NRXN3: variants seen among roughly 807,000 people sequenced by gnomAD.
The protein encoded by NRXN3 is neurexin III.
In NRXN3, 32 loss-of-function variants were observed where a neutral mutation model predicts 137.6. The ratio of observed to expected loss-of-function variants is 0.23; its 90% CI spans 0.18 to 0.31. NRXN3 has a LOEUF of 0.31. Ranked by LOEUF, NRXN3 falls within the 10% of genes least tolerant of loss-of-function variation. The pLI is 1.00. For missense variants in NRXN3, 1,574 were observed against 2,062.5 expected (o/e 0.76, Z 4.59); for synonymous variants, 798 against 784.5 (o/e 1.02, Z -0.29).
At chr14:79,213,624 T>C (rs931359695) in intron 15 of NRXN3, among the ~76,000 whole-genome samples, 1 of 148,238 alleles carries the variant, frequency 6.7e-6, no homozygotes, top group Non-Finnish European at 1.5e-5. Context: ...CCCTTTTTTT[T>C]TGGGGGGGGG....
chr14:78,845,369 A>G (rs1596435680), intron 10 of NRXN3, among the ~76,000 whole-genome samples: 1 of 152,240 alleles, frequency 6.6e-6, no homozygotes, highest in East Asian at 1.9e-4. Context: ...ATGAATAACA[A>G]CGTAATTTAA....
chr14:79,218,422 C>A (rs1260521082), intron 15 of NRXN3, among the ~76,000 whole-genome samples: 1 of 152,102 alleles, frequency 6.6e-6, no homozygotes, highest in Non-Finnish European at 1.5e-5. Flanking sequence ...ATTCAGGAAA[C>A]CTTTGAGCAC....
At chr14:78,910,031 A>G (rs1447298378) in intron 10 of NRXN3, among the ~76,000 whole-genome samples, 2 of 152,004 alleles carry the variant, frequency 1.3e-5, no homozygotes, top group Non-Finnish European at 2.9e-5. Flanking sequence ...CAGATATTTG[A>G]GTCATTCTTA....
chr14:79,673,872 T>C (rs921931246), intron 17 of NRXN3, among the ~76,000 whole-genome samples: 3 of 152,044 alleles, frequency 2.0e-5, no homozygotes, highest in Admixed American at 1.3e-4. Flanking sequence ...GGGGTAGATA[T>C]TACTGTTATC....
chr14:79,221,966 C>T (rs1421831056), intron 15 of NRXN3, among the ~76,000 whole-genome samples: 3 of 152,262 alleles, frequency 2.0e-5, no homozygotes, highest in Non-Finnish European at 4.4e-5. Context: ...CAGTTTTCTG[C>T]GTATGGCTAG....
intron 20 of NRXN3, among the ~76,000 whole-genome samples, chr14:79,825,206 C>CTTTTTTTTTTT (rs11449914): frequency 1.7e-5 from 2 of 117,778 alleles, no homozygotes; most frequent in Admixed American, 9.1e-5. Context: ...TCTTTGTGTG[C>CTTTTTTTTTTT]TTTTTTTTTT....
At chr14:79,394,879 A>G (rs891216566) in intron 15 of NRXN3, among the ~76,000 whole-genome samples, 5 of 152,172 alleles carry the variant, frequency 3.3e-5, no homozygotes, top group African/African-American at 1.2e-4. Context: ...GATCAAGGTC[A>G]CTTACCTGGT....
At chr14:78,372,289 T>C (rs1315860413) in intron 4 of NRXN3, among the ~76,000 whole-genome samples, 1 of 132,702 alleles carries the variant, frequency 7.5e-6, no homozygotes, top group Non-Finnish European at 1.7e-5. Flanking sequence ...TTTTCTTTTC[T>C]TTTCTTTTTT....
intron 4 of NRXN3, among the ~76,000 whole-genome samples, chr14:78,372,724 G>T (rs1025596569): frequency 6.6e-6 from 1 of 152,116 alleles, no homozygotes; most frequent in African/African-American, 2.4e-5. Context: ...AATGATTTGA[G>T]GTCATCTAAA....
chr14:78,373,052 AG>A (rs1176659782), intron 4 of NRXN3, among the ~76,000 whole-genome samples: 3 of 152,236 alleles, frequency 2.0e-5, no homozygotes, highest in African/African-American at 7.2e-5. Context: ...CTTACTGAAA[AG>A]GAAGTATCTA....
chr14:79,725,731 T>C (rs1248882443), intron 19 of NRXN3, among the ~76,000 whole-genome samples: 1 of 152,190 alleles, frequency 6.6e-6, no homozygotes, highest in Admixed American at 6.5e-5. Flanking sequence ...TTCTCGCTAA[T>C]GGTCTGGTAT....
intron 15 of NRXN3, among the ~76,000 whole-genome samples, chr14:79,392,738 G>GAGGC (rs2094891555): frequency 6.6e-6 from 1 of 152,046 alleles, no homozygotes; most frequent in Admixed American, 6.5e-5. Flanking sequence ...TTGGGAGGCC[G>GAGGC]AGGCAGGCAG....
intron 10 of NRXN3, among the ~76,000 whole-genome samples, chr14:78,864,110 C>A (rs1038095069): frequency 1.3e-5 from 2 of 152,144 alleles, no homozygotes; most frequent in African/African-American, 4.8e-5. Flanking sequence ...ACTCAAAATA[C>A]ATTTAGAGAG....
At chr14:78,204,217 G>A (rs1439393183) in intron 1 of NRXN3, among the ~76,000 whole-genome samples, 2 of 151,670 alleles carry the variant, frequency 1.3e-5, no homozygotes, top group Admixed American at 1.3e-4. Flanking sequence ...ATGTATTTTT[G>A]CTAAGCCTGG....
At chr14:78,390,986 T>C (rs2090681611) in intron 4 of NRXN3, among the ~76,000 whole-genome samples, 4 of 152,138 alleles carry the variant, frequency 2.6e-5, no homozygotes, top group Admixed American at 2.0e-4. Flanking sequence ...CCTGTGTCCA[T>C]GTGTTCTCAT....
At chr14:78,222,467 G>A (rs1433396930) in intron 1 of NRXN3, among the ~76,000 whole-genome samples, 5 of 152,220 alleles carry the variant, frequency 3.3e-5, no homozygotes, top group Non-Finnish European at 7.3e-5. Context: ...GGCTTTGGGT[G>A]CTTCTCCCTT....
rs150758205 is a variant in NRXN3 at position 79,689,633 on chromosome 14, ACT to A, written c.3617-2535_3617-2534del. Among the ~76,000 whole-genome samples, 279 of 152,050 alleles carry A rather than the reference ACT, an allele frequency of 1.8e-3. 9 individuals carry two copies. In the East Asian group the frequency reaches 0.047, roughly 26 times the overall value. On this transcript the variant is annotated intron_variant, in intron 17 of 20. Transcript: ENST00000335750. Reference sequence around the variant, plus strand: ...TTTAAAGCTGAGGTGGAGAAGAATGACTCTCTGTCACTTTCAGAAGGGTCTAA... The same window carrying A: ...TTTAAAGCTGAGGTGGAGAAGAATGACTCTGTCACTTTCAGAAGGGTCTAA...
At chr14:78,240,154 C>T (rs1396726189) in intron 1 of NRXN3, among the ~76,000 whole-genome samples, 1 of 152,208 alleles carries the variant, frequency 6.6e-6, no homozygotes. Flanking sequence ...TTGGCTCTCA[C>T]AAGCCTGTAT....
intron 6 of NRXN3, among the ~76,000 whole-genome samples, chr14:78,654,496 T>A (rs1166616866): frequency 1.3e-5 from 2 of 152,272 alleles, no homozygotes; most frequent in East Asian, 3.8e-4. Flanking sequence ...TCTTTGGGAC[T>A]GTAGTTACTT....
Sources: gnomAD v4.1 joint callset for allele counts (sites outside exome capture counted in the v4.1 genomes callset) on GRCh38, gnomAD v4.1.1 for gene constraint, MANE v1.5 for transcripts, NCBI Gene and HGNC (gene_info 2026-07-23, HGNC 2026-07-21) for gene names.